The following MYO9A variants were observed in gnomAD, a reference collection of about 807,000 sequenced individuals.
MYO9A encodes the protein myosin IXA, also known as unconventional myosin-IXa.
In MYO9A, 103 loss-of-function variants were observed where a neutral mutation model predicts 293.3. That is an observed-to-expected ratio of 0.35 (90% CI 0.30 to 0.41). MYO9A has a LOEUF of 0.41. MYO9A is among the 10% of genes least tolerant of loss of function. MYO9A has a pLI of 1.00. For missense variants in MYO9A, 2,685 were observed against 3,033.0 expected (o/e 0.89, Z 2.69); for synonymous variants, 1,001 against 1,035.7 (o/e 0.97, Z 0.64).
At chr15:71,950,144 T>C (rs1259894733) in intron 15 of MYO9A, 1 of 152,178 alleles carries the variant, frequency 6.6e-6, no homozygotes, top group Non-Finnish European at 1.5e-5. Flanking sequence ...AACTTGAATC[T>C]ACAGTTTTAC....
At chr15:71,834,130 G>A (rs2054841364) in intron 39 of MYO9A, among the ~76,000 whole-genome samples, 1 of 151,908 alleles carries the variant, frequency 6.6e-6, no homozygotes, top group South Asian at 2.1e-4. Flanking sequence ...ATAACCAAAG[G>A]TTGTAATGAA....
At chr15:72,027,639 G>A in intron 4 of MYO9A, 92 bp downstream of exon 4, 1 of 982,510 alleles carries the variant, frequency 1.0e-6, no homozygotes, top group African/African-American at 1.6e-5. Context: ...GACGTAAACT[G>A]AATTAAGGGT....
intron 34 of MYO9A, among the ~76,000 whole-genome samples, chr15:71,856,533 GA>G (rs1157674198): frequency 6.6e-6 from 1 of 152,038 alleles, no homozygotes; most frequent in Non-Finnish European, 1.5e-5. Flanking sequence ...TTAGGCACAG[GA>G]AATATAAAAC....
chr15:71,862,629 G>A lies in MYO9A; in HGVS notation c.5980-18C>T, dbSNP rs2056182988. 2 of 1,539,340 alleles carry A rather than the reference G, an allele frequency of 1.3e-6. No homozygotes were observed. Among genetic ancestry groups the A allele is most frequent in the Admixed American group, 3.4e-5 (2 of 59,606 alleles). On this transcript the variant is annotated intron_variant, in intron 32 of 41. Transcript: ENST00000356056. Reference sequence around the variant, plus strand: ...TCTTCCACCTGAATGAAAAAATTTAGCTACTTATATTAAAGCCAACACAGT... The same window carrying A: ...TCTTCCACCTGAATGAAAAAATTTAACTACTTATATTAAAGCCAACACAGT...
intron 1 of MYO9A, among the ~76,000 whole-genome samples, chr15:72,110,168 G>A (rs1427588188): frequency 6.6e-6 from 1 of 151,816 alleles, no homozygotes; most frequent in Non-Finnish European, 1.5e-5. Flanking sequence ...GGGTGTGGTG[G>A]CTCACACCTG....
At chr15:72,024,697 G>A (rs1452091487) in intron 4 of MYO9A, among the ~76,000 whole-genome samples, 1 of 152,120 alleles carries the variant, frequency 6.6e-6, no homozygotes, top group Non-Finnish European at 1.5e-5. Flanking sequence ...CAGGACAAAG[G>A]AGCAAGAAAG....
chr15:71,994,274 G>A (rs2076632063), intron 10 of MYO9A, among the ~76,000 whole-genome samples, 195 bp downstream of exon 10: 1 of 152,082 alleles, frequency 6.6e-6, no homozygotes, highest in Non-Finnish European at 1.5e-5. Flanking sequence ...ACACGTTCGG[G>A]AGGTAAAAAC....
At chr15:71,859,062 C>T (rs1017584864) in intron 34 of MYO9A, among the ~76,000 whole-genome samples, 1 of 152,180 alleles carries the variant, frequency 6.6e-6, no homozygotes, top group Admixed American at 6.5e-5. Context: ...CACTCATATT[C>T]TTTGCATTTT....
intron 14 of MYO9A, among the ~76,000 whole-genome samples, chr15:71,956,034 G>T (rs2059167884): frequency 6.6e-6 from 1 of 151,320 alleles, no homozygotes; most frequent in Non-Finnish European, 1.5e-5. Context: ...AGGCATGGTG[G>T]CTCGCACCTG....
chr15:72,035,053 A>T (rs1476454943), intron 2 of MYO9A, among the ~76,000 whole-genome samples: 3 of 152,242 alleles, frequency 2.0e-5, no homozygotes, highest in Non-Finnish European at 4.4e-5. Context: ...TCAAGACCAC[A>T]ATGAGATACT....
Position 72,061,195 on chromosome 15 carries a change from A to T in MYO9A, c.-71-14561T>A, listed in dbSNP as rs562132331. 2.6e-5 allele frequency among the ~76,000 whole-genome samples: 4 copies of T among 152,208 alleles called. No homozygotes were observed. The South Asian group carries it at 6.2e-4, about 24-fold the overall frequency. On this transcript the variant is annotated intron_variant, in intron 1 of 41. Coordinates refer to ENST00000356056, the MANE Select transcript of MYO9A (RefSeq NM_006901.4). ...CAGTAGCCAGCAGTGGCCAGGCAGTACTCGCCATGGGCCTTGGGAGAGACC... is the reference window on the plus strand; with the variant it reads ...CAGTAGCCAGCAGTGGCCAGGCAGTTCTCGCCATGGGCCTTGGGAGAGACC...
chr15:71,901,326 C>T lies in MYO9A; in HGVS notation c.3015G>A (p.Glu1005=), dbSNP rs200691638. Residue 1005 remains glutamate (E), a synonymous_variant, in exon 23 of 42, where the codon GAG becomes GAA. Coordinates refer to ENST00000356056, the MANE Select transcript of MYO9A (RefSeq NM_006901.4). The stretch of plus-strand genomic sequence containing the variant: ...GATCTTGTAAGTGCTGTCGTTCCTG[C>T]TCCTTTAGAAAGACCTACCAAAAGG... ...QVGKTMVFLK[E]QERQHLQDLL... The T allele has an allele frequency of 3.8e-5, 61 of 1,612,426 alleles. No individual in the cohort carries two copies. In the East Asian group the frequency reaches 1.3e-3, roughly 35 times the overall value.
chr15:72,040,581 G>A lies in MYO9A; in HGVS notation c.840+5143C>T, dbSNP rs777268198. On this transcript the variant is annotated intron_variant, in intron 2 of 41. Transcript: ENST00000356056. The stretch of plus-strand genomic sequence containing the variant: ...TCTGCGAGCCTAATCTTTCCTGGTC[G>A]TGTGACAAGAACCCAGTATTTTCCG... 5.3e-4 allele frequency among the ~76,000 whole-genome samples: 81 copies of A among 152,068 alleles called. 1 individual carries two copies. Among genetic ancestry groups the A allele is most frequent in the Non-Finnish European group, 1.1e-3 (72 of 68,008 alleles).
intron 32 of MYO9A, among the ~76,000 whole-genome samples, chr15:71,868,507 C>T (rs2056409621): frequency 2.0e-5 from 3 of 152,160 alleles, no homozygotes. Context: ...AGTTGATTAG[C>T]CATCTTAATT....
intron 12 of MYO9A, among the ~76,000 whole-genome samples, chr15:71,975,469 C>G (rs1320324212): frequency 1.4e-5 from 2 of 147,032 alleles, no homozygotes; most frequent in African/African-American, 2.5e-5. Flanking sequence ...ACTACCACAG[C>G]CCTTGGTGTA....
At chr15:72,077,016 C>G (rs1277323510) in intron 1 of MYO9A, among the ~76,000 whole-genome samples, 1 of 105,802 alleles carries the variant, frequency 9.5e-6, no homozygotes, top group Non-Finnish European at 2.2e-5. Context: ...AAAAACTAGA[C>G]AACTACATCC....
At chr15:71,891,018 T>G (rs575621968) in intron 26 of MYO9A, 17 of 152,154 alleles carry the variant, frequency 1.1e-4, no homozygotes, top group Non-Finnish European at 2.5e-4. Context: ...TGGAATATTC[T>G]CAAGATAAAT....
chr15:72,013,365 C>T (rs2077229747), intron 6 of MYO9A, among the ~76,000 whole-genome samples: 1 of 152,170 alleles, frequency 6.6e-6, no homozygotes, highest in African/African-American at 2.4e-5. Flanking sequence ...GAGGGCCCTA[C>T]AAATGCCAAG....
chr15:72,034,779 C>G lies in MYO9A; in HGVS notation c.841-2191G>C, dbSNP rs187024267. Among the ~76,000 whole-genome samples the G allele has an allele frequency of 4.4e-3, 669 of 152,258 alleles. 31 individuals are homozygous for G. Among genetic ancestry groups the G allele is most frequent in the Admixed American group, 0.04 (610 of 15,296 alleles). On this transcript the variant is annotated intron_variant, in intron 2 of 41. Transcript: ENST00000356056. ...AAATAAAACCGTGGGCTTGGAGATACGAAATATGGATGTGTGATGTACTAC... is the reference window on the plus strand; with the variant it reads ...AAATAAAACCGTGGGCTTGGAGATAGGAAATATGGATGTGTGATGTACTAC...
Sources: allele counts gnomAD v4.1 joint callset (sites outside exome capture counted in the v4.1 genomes callset), GRCh38; gene constraint gnomAD v4.1.1; transcripts MANE v1.5; gene names NCBI Gene and HGNC (gene_info 2026-07-23, HGNC 2026-07-21).